TGFBR3: variants seen among roughly 807,000 people sequenced by gnomAD.
The protein encoded by TGFBR3 is transforming growth factor beta receptor type 3.
In TGFBR3, 46 loss-of-function variants were observed where a neutral mutation model predicts 87.9. The observed-to-expected ratio is 0.52, with a 90% CI of 0.41 to 0.67. The LOEUF is 0.67. Among genes scored for constraint, TGFBR3 ranks in the 30% least tolerant of loss-of-function variants. TGFBR3 has a pLI of 0.00. For synonymous variants in TGFBR3, 381 were observed against 391.6 expected, an observed-to-expected ratio of 0.97 and a Z score of 0.32; for missense variants, 866 against 1,041.9, an observed-to-expected ratio of 0.83 and a Z score of 2.32.
intron 2 of TGFBR3, among the ~76,000 whole-genome samples, chr1:91,894,339 C>T (rs1438981260): frequency 6.6e-6 from 1 of 152,214 alleles, no homozygotes; most frequent in African/African-American, 2.4e-5. Flanking sequence ...TTCTCATCAA[C>T]TTACAAACAT....
Position 91,682,655 on chromosome 1 carries a change from ATTT to A in TGFBR3, c.*1081_*1083del. 2.2e-6 allele frequency: 1 copy of A among 453,890 alleles called. No homozygotes were observed. The highest frequency in any genetic ancestry group is 1.6e-5 in the South Asian group (1 of 64,462). 28.1% of individuals were successfully genotyped at this position (453,890 alleles called of 1,614,324 possible). A position where few individuals can be genotyped will look rare whatever the true frequency, so the allele number is the denominator to read the frequency against. On this transcript the variant is annotated 3_prime_UTR_variant, in exon 17 of 17. Coordinates refer to ENST00000212355, the MANE Select transcript of TGFBR3 (RefSeq NM_003243.5). ...TGGAGACCGACAGGATTTGCCATGC[ATTT>A]GCATCTTGCTACAGTTTGGTTTTTA...
chr1:91,747,162 A>G (rs1673378284), intron 4 of TGFBR3, among the ~76,000 whole-genome samples: 1 of 152,220 alleles, frequency 6.6e-6, no homozygotes, highest in Non-Finnish European at 1.5e-5. Context: ...GCTGGACTCC[A>G]AAAATGATGC....
At chr1:91,809,660 TA>T (rs1259845216) in intron 2 of TGFBR3, among the ~76,000 whole-genome samples, 2 of 152,232 alleles carry the variant, frequency 1.3e-5, no homozygotes, top group South Asian at 2.1e-4. Flanking sequence ...AGTTTATACA[TA>T]ATCAGGGCAC....
intron 12 of TGFBR3, among the ~76,000 whole-genome samples, chr1:91,712,994 T>G (rs1028838688): frequency 1.2e-4 from 18 of 152,240 alleles, no homozygotes; most frequent in Non-Finnish European, 1.9e-4. Flanking sequence ...CAAAATCTAT[T>G]TAACCTAGGC....
chr1:91,850,867 C>T (rs1677704870), intron 2 of TGFBR3, among the ~76,000 whole-genome samples: 1 of 151,452 alleles, frequency 6.6e-6, no homozygotes. Flanking sequence ...CCTATGCTAC[C>T]TGTGTATCCT....
rs1672323563 is a variant in TGFBR3, at chr1:91,720,359, T to TA, written c.1076-130dup. 4.5e-6 allele frequency: 4 copies of TA among 893,974 alleles called. No homozygotes were observed. The Admixed American group carries it at 6.0e-5, about 13-fold the overall frequency. 55.4% of individuals were successfully genotyped at this position (893,974 alleles called of 1,614,324 possible). ...AAAATGACTTTTAATAAGCAGTGCA[T>TA]AAAGGTCATTAGAAGTCTAGAAGCC... On this transcript the variant is annotated intron_variant, in intron 8 of 16. Coordinates refer to ENST00000212355, the MANE Select transcript of TGFBR3 (RefSeq NM_003243.5).
At chr1:91,898,478 C>T (rs375393441) in intron 2 of TGFBR3, among the ~76,000 whole-genome samples, 1 of 152,012 alleles carries the variant, frequency 6.6e-6, no homozygotes, top group Admixed American at 6.6e-5. Context: ...GCTCTGTCAC[C>T]GAGGCTGGAG....
At chr1:91,759,614 T>C (rs867727616) in intron 3 of TGFBR3, among the ~76,000 whole-genome samples, 3 of 152,062 alleles carry the variant, frequency 2.0e-5, no homozygotes, top group Non-Finnish European at 4.4e-5. Context: ...TATAAGGAAA[T>C]ATTGACTAGA....
chr1:91,708,042 T>C (rs1671854056), intron 14 of TGFBR3, among the ~76,000 whole-genome samples: 1 of 152,212 alleles, frequency 6.6e-6, no homozygotes, highest in South Asian at 2.1e-4. Context: ...CCACACCCCT[T>C]AGGGCACAGC....
chr1:91,860,934 C>CAAAAAAAA (rs3039477), intron 2 of TGFBR3, among the ~76,000 whole-genome samples: 4 of 35,636 alleles, frequency 1.1e-4, no homozygotes, highest in African/African-American at 3.9e-4. Flanking sequence ...TCTGTCTCCA[C>CAAAAAAAA]AAAAAAAAAA....
intron 3 of TGFBR3, among the ~76,000 whole-genome samples, chr1:91,781,564 G>A (rs768290489): frequency 2.0e-5 from 3 of 152,134 alleles, no homozygotes; most frequent in African/African-American, 7.2e-5. Context: ...TATGAGTACC[G>A]TAAGTATGAG....
intron 10 of TGFBR3, among the ~76,000 whole-genome samples, chr1:91,717,874 C>CTTTTTT (rs56325630): frequency 6.8e-6 from 1 of 146,264 alleles, no homozygotes. Flanking sequence ...AAGCAACTGA[C>CTTTTTT]TTTTTTTTTT....
At chr1:91,863,750 G>A (rs1355730476) in intron 1 of TGFBR3, 1 of 152,186 alleles carries the variant, frequency 6.6e-6, no homozygotes, top group Non-Finnish European at 1.5e-5. Flanking sequence ...TGAGGCATAA[G>A]TCATCAATGA....
intron 3 of TGFBR3, among the ~76,000 whole-genome samples, chr1:91,796,883 A>ATT (rs1202245796): frequency 6.9e-6 from 1 of 144,098 alleles, no homozygotes; most frequent in African/African-American, 2.5e-5. Flanking sequence ...CACCCTGCTA[A>ATT]TTTTTTTTTT....
chr1:91,706,396 T>G (rs979638869), intron 14 of TGFBR3, among the ~76,000 whole-genome samples: 4 of 152,194 alleles, frequency 2.6e-5, no homozygotes, highest in African/African-American at 9.7e-5. Flanking sequence ...GACCTCTGGT[T>G]GTCCTCACTG....
At position 91,692,372 on chromosome 1, in the gene TGFBR3, G is replaced by A. The variant is rs141813653; in HGVS notation, c.2437+3300C>T. Among the ~76,000 whole-genome samples the A allele has an allele frequency of 1.2e-3, 182 of 152,188 alleles. 1 individual carries two copies. The highest frequency in any genetic ancestry group is 4.1e-3 in the African/African-American group (171 of 41,520). ...TCTGGGGAGTGAGAAAAGAAGGTAA[G>A]GACAGTAGGGGTGTGATTTTTTTTT... On this transcript the variant is annotated intron_variant, in intron 16 of 16. Coordinates refer to ENST00000212355, the MANE Select transcript of TGFBR3 (RefSeq NM_003243.5).
At chr1:91,857,349 C>T (rs985414803) in intron 2 of TGFBR3, among the ~76,000 whole-genome samples, 2 of 151,460 alleles carry the variant, frequency 1.3e-5, no homozygotes, top group Non-Finnish European at 2.9e-5. Flanking sequence ...CCAGGTCATC[C>T]ATTTATTTAA....
chr1:91,682,971 G>A lies in TGFBR3; in HGVS notation c.*768C>T, dbSNP rs1029950115. ...GAATGGGCACAAATCTGTGGTTCCT[G>A]ATTTTGGTCATTTTCAATTTCTGTA... On this transcript the variant is annotated 3_prime_UTR_variant, in exon 17 of 17. Transcript: ENST00000212355. 4.4e-6 allele frequency: 2 copies of A among 454,366 alleles called. No homozygotes were observed. The highest frequency in any genetic ancestry group is 4.7e-5 in the Admixed American group (2 of 42,558). 28.1% of individuals were successfully genotyped at this position (454,366 alleles called of 1,614,324 possible).
At chr1:91,713,454 C>A (rs1344213653) in intron 12 of TGFBR3, among the ~76,000 whole-genome samples, 1 of 152,182 alleles carries the variant, frequency 6.6e-6, no homozygotes, top group East Asian at 1.9e-4. Context: ...ACTGCCCCTC[C>A]CTGCTATGCC....
Sources: gnomAD v4.1 joint callset for allele counts (sites outside exome capture counted in the v4.1 genomes callset) on GRCh38, gnomAD v4.1.1 for gene constraint, MANE v1.5 for transcripts, NCBI Gene and HGNC (gene_info 2026-07-23, HGNC 2026-07-21) for gene names.